The following CASZ1 variants were observed in gnomAD, a reference collection of about 807,000 sequenced individuals.
CASZ1 encodes castor zinc finger 1, also known as zinc finger protein castor homolog 1.
A neutral mutation model predicts 135.2 loss-of-function variants in CASZ1; 28 were observed. The ratio of observed to expected loss-of-function variants is 0.21; its 90% CI spans 0.15 to 0.28. The LOEUF is 0.28. CASZ1 is among the 10% of genes least tolerant of loss of function. The probability of loss-of-function intolerance (pLI) is 1.00; values close to 1 mark genes in which losing one functional copy is unlikely to be tolerated. For missense variants in CASZ1, 2,161 were observed against 2,453.3 expected, an observed-to-expected ratio of 0.88 and a Z score of 2.52; for synonymous variants, 1,068 against 1,073.4, an observed-to-expected ratio of 0.99 and a Z score of 0.10.
intron 2 of CASZ1, among the ~76,000 whole-genome samples, chr1:10,723,855 C>T (rs1639548763): frequency 1.3e-5 from 2 of 152,202 alleles, no homozygotes; most frequent in South Asian, 2.1e-4. Context: ...TCAGTCCACC[C>T]GTCTCAGGTG....
chr1:10,639,591 C>A lies in CASZ1; in HGVS notation c.4631G>T (p.Ser1544Ile). ...GCTGAACTGGCAGAAGCCCGCGGCG[C>A]TGATCACGTCCTGTTTGCCGTGGTG... is the stretch of plus-strand genomic sequence containing the variant. ...RKHHGKQDVI[S>I]AAGFCQFSSS... is the part of the protein sequence containing the mutation. Residue 1544 changes from serine (S) to isoleucine (I), a missense_variant, in exon 21 of 21, where the codon AGC becomes ATC. This residue lies in a region of CASZ1 where 240 missense variants were observed against 321.4 expected (regional missense o/e 0.75). Coordinates refer to ENST00000377022, the MANE Select transcript of CASZ1 (RefSeq NM_001079843.3). The surrounding 1 kb of genome is among the most constrained non-coding windows in gnomAD (Gnocchi z 4.0). The A allele has an allele frequency of 6.2e-7, 1 of 1,611,906 alleles. No individual in the cohort carries two copies. The highest frequency in any genetic ancestry group is 1.1e-5 in the South Asian group (1 of 91,010).
chr1:10,646,456 G>T lies in CASZ1; in HGVS notation c.3498-130C>A. On this transcript the variant is annotated intron_variant, in intron 16 of 20. Transcript: ENST00000377022. This position sits in a 1 kb window ranked among gnomAD's most constrained non-coding sequence, Gnocchi z 6.4. ...ACCACCAAGAGGGATGGCCTGGGCT[G>T]CTGTCCTGCTCAACAGGATGACTCA... The T allele has an allele frequency of 3.7e-6, 3 of 809,602 alleles. No homozygotes were observed. Among genetic ancestry groups the T allele is most frequent in the Non-Finnish European group, 6.1e-6 (3 of 493,446 alleles). 50.2% of individuals were successfully genotyped at this position (809,602 alleles called of 1,614,324 possible). A position where few individuals can be genotyped will look rare whatever the true frequency, so the allele number is the denominator to read the frequency against.
rs1248750488 is a variant in CASZ1 at position 10,717,532 on chromosome 1, A to G, written c.-76-11988T>C. Reference sequence around the variant, plus strand: ...ACTGACACAAAGTGCATTTAAAGAGACAGACACCCTGTCCCTCCCTCCTCA... The same window carrying G: ...ACTGACACAAAGTGCATTTAAAGAGGCAGACACCCTGTCCCTCCCTCCTCA... On this transcript the variant is annotated intron_variant, in intron 2 of 20. Transcript: ENST00000377022. This position sits in a 1 kb window ranked among gnomAD's most constrained non-coding sequence, Gnocchi z 4.6. Among the ~76,000 whole-genome samples, 8 of 152,218 alleles carry G rather than the reference A, an allele frequency of 5.3e-5. No homozygotes were observed. In the East Asian group the frequency reaches 1.5e-3, roughly 29 times the overall value.
chr1:10,795,411 C>A (rs1399848157), intron 1 of CASZ1, among the ~76,000 whole-genome samples: 1 of 152,236 alleles, frequency 6.6e-6, no homozygotes, highest in African/African-American at 2.4e-5. Flanking sequence ...CTCCTCCTCC[C>A]CAATTGTTGA....
At position 10,659,970 on chromosome 1, in the gene CASZ1, C is replaced by A. The variant is rs371486958; in HGVS notation, c.1072G>T (p.Asp358Tyr). 1.2e-6 allele frequency: 2 copies of A among 1,613,324 alleles called. No homozygotes were observed. Reference protein sequence around the residue: ...HLFKPGEGSPDMGGAIAFKTG... With the variant: ...HLFKPGEGSPYMGGAIAFKTG... Reference sequence around the variant, plus strand: ...TTGAAGGCGATGGCCCCGCCCATGTCGGGGCTGCCCTCCCCGGGTTTGAAG... The same window carrying A: ...TTGAAGGCGATGGCCCCGCCCATGTAGGGGCTGCCCTCCCCGGGTTTGAAG... The change falls in exon 6 of 21, where the codon GAC becomes TAC. Residue 358 changes from aspartate (D) to tyrosine (Y), a missense_variant. Asp to Tyr is a radical substitution (Grantham distance 160). This residue lies in a region of CASZ1 where 590 missense variants were observed against 609.8 expected (regional missense o/e 0.97). Coordinates refer to ENST00000377022, the MANE Select transcript of CASZ1 (RefSeq NM_001079843.3).
intron 4 of CASZ1, among the ~76,000 whole-genome samples, chr1:10,671,734 T>A (rs1643406949): frequency 6.6e-6 from 1 of 152,192 alleles, no homozygotes; most frequent in Non-Finnish European, 1.5e-5. Flanking sequence ...CGGAGCATGA[T>A]GTCACCTCGG....
At chr1:10,708,621 G>A (rs1639222380) in intron 2 of CASZ1, among the ~76,000 whole-genome samples, 1 of 152,154 alleles carries the variant, frequency 6.6e-6, no homozygotes, top group Admixed American at 6.5e-5. Flanking sequence ...GAGCCTGGAG[G>A]CAGCCTCATC....
chr1:10,743,987 T>C (rs912213122), intron 2 of CASZ1, among the ~76,000 whole-genome samples: 2 of 152,074 alleles, frequency 1.3e-5, no homozygotes, highest in African/African-American at 2.4e-5. Flanking sequence ...CTATCTAGCA[T>C]ATTGCTGTTA....
rs1462371258 is a variant in CASZ1, at chr1:10,755,409, G to T, written c.-77+5292C>A. ...CTCCAATGCCAGCCTCTCTCACTGT[G>T]GGCACTCAGGGACAGAGGCAGGGCA... On this transcript the variant is annotated intron_variant, in intron 2 of 20. Coordinates refer to ENST00000377022, the MANE Select transcript of CASZ1 (RefSeq NM_001079843.3). This position sits in a 1 kb window ranked among gnomAD's most constrained non-coding sequence, Gnocchi z 4.3. 3.3e-5 allele frequency among the ~76,000 whole-genome samples: 5 copies of T among 152,092 alleles called. No homozygotes were observed. Among genetic ancestry groups the T allele is most frequent in the Non-Finnish European group, 5.9e-5 (4 of 67,996 alleles).
In CASZ1 at chr1:10,747,226, G is replaced by T. The variant is rs1451982771; in HGVS notation, c.-77+13475C>A. On this transcript the variant is annotated intron_variant, in intron 2 of 20. Transcript: ENST00000377022. The surrounding 1 kb of genome is among the most constrained non-coding windows in gnomAD (Gnocchi z 4.3). ...GAGACATAGGCCACCTGAGACTAAG[G>T]GTGGGGCTGGGAAGCAAAGGGGAAG... 2.0e-5 allele frequency among the ~76,000 whole-genome samples: 3 copies of T among 152,238 alleles called. No homozygotes were observed. The highest frequency in any genetic ancestry group is 2.1e-4 in the South Asian group (1 of 4,830).
chr1:10,795,642 G>A (rs1290326710), intron 1 of CASZ1, among the ~76,000 whole-genome samples: 1 of 152,208 alleles, frequency 6.6e-6, no homozygotes, highest in Non-Finnish European at 1.5e-5. Context: ...CCGACAGCCG[G>A]GCAGCTCTGG....
Position 10,739,396 on chromosome 1 carries a change from G to C in CASZ1, c.-77+21305C>G, listed in dbSNP as rs906826816. Among the ~76,000 whole-genome samples the C allele has an allele frequency of 6.6e-6, 1 of 151,936 alleles. No homozygotes were observed. The highest frequency in any genetic ancestry group is 1.5e-5 in the Non-Finnish European group (1 of 67,936). ...GGGTGGCCACGGTGAGGAGGAGGAG[G>C]ACCACATGCGCAGGGAAGGGCATGG... On this transcript the variant is annotated intron_variant, in intron 2 of 20. Coordinates refer to ENST00000377022, the MANE Select transcript of CASZ1 (RefSeq NM_001079843.3). This position sits in a 1 kb window ranked among gnomAD's most constrained non-coding sequence, Gnocchi z 4.8.
rs1177355779 is a variant in CASZ1, at chr1:10,647,838, G to A, written c.3460C>T (p.Pro1154Ser). ...LATTSLENAK[P>S]QVKPGFLQFQ... ...TGGAGGAATCCGGGTTTGACCTGGG[G>A]CTTGGCGTTCTCTAGAGAAGTCGTT... The change falls in exon 16 of 21, where the codon CCC becomes TCC. Residue 1154 changes from proline (P) to serine (S), a missense_variant. Transcript: ENST00000377022. The surrounding 1 kb of genome is among the most constrained non-coding windows in gnomAD (Gnocchi z 4.9). The A allele has an allele frequency of 1.2e-6, 2 of 1,613,840 alleles. No individual in the cohort carries two copies. The highest frequency in any genetic ancestry group is 1.7e-6 in the Non-Finnish European group (2 of 1,180,046).
chr1:10,646,070 T>A lies in CASZ1; in HGVS notation c.3696+58A>T. 6.5e-7 allele frequency: 1 copy of A among 1,545,670 alleles called. No homozygotes were observed. The highest frequency in any genetic ancestry group is 1.4e-5 in the African/African-American group (1 of 73,618). On this transcript the variant is annotated intron_variant, in intron 17 of 20. Transcript: ENST00000377022. The surrounding 1 kb of genome is among the most constrained non-coding windows in gnomAD (Gnocchi z 6.4). ...GAGGTGACTGTCCTGTGCCCTGAGC[T>A]AGCCCTGCACCTCCCTGCCCCCTAC...
intron 2 of CASZ1, among the ~76,000 whole-genome samples, chr1:10,758,675 C>T (rs1409661282): frequency 6.6e-6 from 1 of 152,098 alleles, no homozygotes; most frequent in African/African-American, 2.4e-5. Context: ...AGCTCTTCTG[C>T]AGAGGAGCCA....
intron 1 of CASZ1, among the ~76,000 whole-genome samples, chr1:10,789,005 C>T (rs1249310876): frequency 6.6e-6 from 1 of 152,230 alleles, no homozygotes. Context: ...CAGGGGAGCC[C>T]AAGGGGACAG....
Position 10,755,786 on chromosome 1 carries a change from C to G in CASZ1, c.-77+4915G>C, listed in dbSNP as rs1277270904. ...ACATCTCTGCCCAGCCCAAGGCAAC[C>G]TTGGGGTCTACCCATCCTCTGGAGC... On this transcript the variant is annotated intron_variant, in intron 2 of 20. Transcript: ENST00000377022. This position sits in a 1 kb window ranked among gnomAD's most constrained non-coding sequence, Gnocchi z 4.3. Among the ~76,000 whole-genome samples, 1 of 152,120 alleles carries G rather than the reference C, an allele frequency of 6.6e-6. No individual in the cohort carries two copies. The highest frequency in any genetic ancestry group is 2.4e-5 in the African/African-American group (1 of 41,402).
rs1639421783 is a variant in CASZ1 at position 10,717,779 on chromosome 1, G to A, written c.-76-12235C>T. ...CATGGGGCTTCCTGACCCAACTCTG[G>A]AAGCCGAAGGGAGCTATGAATAGAG... is the stretch of plus-strand genomic sequence containing the variant. On this transcript the variant is annotated intron_variant, in intron 2 of 20. Coordinates refer to ENST00000377022, the MANE Select transcript of CASZ1 (RefSeq NM_001079843.3). The surrounding 1 kb of genome is among the most constrained non-coding windows in gnomAD (Gnocchi z 4.6). Among the ~76,000 whole-genome samples the A allele has an allele frequency of 6.6e-6, 1 of 152,198 alleles. No homozygotes were observed. The highest frequency in any genetic ancestry group is 2.4e-5 in the African/African-American group (1 of 41,446).
intron 2 of CASZ1, among the ~76,000 whole-genome samples, chr1:10,716,078 AC>A (rs1256412076): frequency 2.4e-5 from 2 of 83,602 alleles, no homozygotes; most frequent in Non-Finnish European, 2.3e-5. Context: ...CCCAATCCGC[AC>A]CCCACAGCAC....
Sources: gnomAD v4.1 joint callset for allele counts (sites outside exome capture counted in the v4.1 genomes callset) on GRCh38, gnomAD v4.1.1 for gene constraint, gnomAD v4.1.1 regional missense constraint, Gnocchi (gnomAD v3.1) non-coding constraint, MANE v1.5 for transcripts, NCBI Gene and HGNC (gene_info 2026-07-23, HGNC 2026-07-21) for gene names.